Variants in CNGA1 observed in about 807,000 individuals in gnomAD.
CNGA1 encodes cyclic nucleotide-gated channel alpha-1.
CNGA1 carries 53 observed loss-of-function variants against 69.7 expected under a neutral mutation model. The ratio of observed to expected loss-of-function variants is 0.76; its 90% confidence interval spans 0.61 to 0.96. The LOEUF (loss-of-function observed/expected upper bound fraction) is 0.96, where lower values mean the gene tolerates loss of function less well. Ranked by LOEUF, CNGA1 falls within the 40% of genes least tolerant of loss-of-function variation. The pLI is 0.00. For synonymous variants in CNGA1, 249 were observed against 283.5 expected (o/e 0.88, Z 1.22); for missense variants, 739 against 811.2 (o/e 0.91, Z 1.08).
intron 2 of CNGA1, among the ~76,000 whole-genome samples, chr4:48,004,929 G>A (rs1714847414): frequency 6.6e-6 from 1 of 152,096 alleles, no homozygotes; most frequent in Non-Finnish European, 1.5e-5. Context: ...TTGAAGGCTT[G>A]TAGCCAAGAA....
chr4:47,994,844 T>C (rs544337217), intron 2 of CNGA1, among the ~76,000 whole-genome samples: 1 of 152,312 alleles, frequency 6.6e-6, no homozygotes, highest in South Asian at 2.1e-4. Context: ...TTTAGAGCTC[T>C]TTTTAGCAGT....
At chr4:47,988,261 C>T (rs996093808) in intron 2 of CNGA1, among the ~76,000 whole-genome samples, 3 of 151,916 alleles carry the variant, frequency 2.0e-5, no homozygotes, top group Non-Finnish European at 4.4e-5. Context: ...GAAAAGCAAG[C>T]TTGGGGTAGA....
chr4:47,970,796 T>G (rs776796961), intron 3 of CNGA1: 1 of 450,776 alleles, frequency 2.2e-6, no homozygotes, highest in Non-Finnish European at 4.4e-6. Context: ...TTTTATATAC[T>G]ATATAGTATT....
In CNGA1 at chr4:48,010,748, G is replaced by C. The variant is rs539949750; in HGVS notation, c.-123+46C>G. 291 of 153,572 alleles carry C rather than the reference G, an allele frequency of 1.9e-3. 1 individual carries two copies. The highest frequency in any genetic ancestry group is 0.014 in the Middle Eastern group (4 of 296). 9.5% of individuals were successfully genotyped at this position (153,572 alleles called of 1,614,324 possible). ...ACAATGGCAAGCCTTTAGCCCAATC[G>C]GGACTGGCAATGGGCACCTTGCTGG... On this transcript the variant is annotated intron_variant, in intron 2 of 10. Coordinates refer to ENST00000514170, the MANE Select transcript of CNGA1 (RefSeq NM_001379270.1).
chr4:47,980,651 T>G (rs1001144313), intron 3 of CNGA1, among the ~76,000 whole-genome samples: 1 of 151,814 alleles, frequency 6.6e-6, no homozygotes, highest in Non-Finnish European at 1.5e-5. Flanking sequence ...AATTTTTGCA[T>G]TTTTTTAGAG....
At chr4:47,951,831 C>T (rs1739760168) in intron 4 of CNGA1, among the ~76,000 whole-genome samples, 1 of 152,164 alleles carries the variant, frequency 6.6e-6, no homozygotes. Context: ...TTTCGTCCCA[C>T]TAAAAGTAAA....
chr4:48,009,937 T>G (rs1319198589), intron 2 of CNGA1, among the ~76,000 whole-genome samples: 1 of 152,232 alleles, frequency 6.6e-6, no homozygotes, highest in African/African-American at 2.4e-5. Flanking sequence ...TGAAACATTA[T>G]GTACTCAACA....
intron 1 of CNGA1, among the ~76,000 whole-genome samples, chr4:48,014,176 T>A (rs912016821): frequency 1.3e-5 from 2 of 152,218 alleles, no homozygotes; most frequent in African/African-American, 4.8e-5. Flanking sequence ...GAGATTTTTT[T>A]AATGCTCTTC....
intron 3 of CNGA1, among the ~76,000 whole-genome samples, chr4:47,958,176 C>T (rs560620923): frequency 1.3e-5 from 2 of 152,140 alleles, no homozygotes; most frequent in East Asian, 1.9e-4. Flanking sequence ...TGTGAGCCAC[C>T]GTGCCTGGCC....
intron 1 of CNGA1, among the ~76,000 whole-genome samples, chr4:48,012,265 G>A (rs1287099118): frequency 2.0e-5 from 3 of 152,110 alleles, no homozygotes; most frequent in Admixed American, 6.5e-5. Flanking sequence ...AATCAGTTTA[G>A]TCCTTACTAT....
In CNGA1 at chr4:48,016,528, G is replaced by A. The variant is rs1177882419; in HGVS notation, c.-268C>T. 5 of 440,826 alleles carry A rather than the reference G, an allele frequency of 1.1e-5. No individual in the cohort carries two copies. Among genetic ancestry groups the A allele is most frequent in the African/African-American group, 6.3e-5 (3 of 47,472 alleles). 27.3% of individuals were successfully genotyped at this position (440,826 alleles called of 1,614,324 possible). A position where few individuals can be genotyped will look rare whatever the true frequency, so the allele number is the denominator to read the frequency against. On this transcript the variant is annotated 5_prime_UTR_variant, in exon 1 of 11. The change creates a new upstream start codon in the 5' untranslated region. Coordinates refer to ENST00000514170, the MANE Select transcript of CNGA1 (RefSeq NM_001379270.1). ...GAGAGACGCTGTTGCTCTATGAGGC[G>A]TGTCTGTGTTTCTCTAGTTCGCGGC...
intron 3 of CNGA1, among the ~76,000 whole-genome samples, chr4:47,965,155 G>A (rs565937806): frequency 2.0e-5 from 3 of 152,104 alleles, no homozygotes; most frequent in African/African-American, 7.2e-5. Context: ...CGGATATCCA[G>A]TATGGTCCTT....
chr4:48,014,425 A>G (rs1192747896), intron 1 of CNGA1, among the ~76,000 whole-genome samples: 2 of 150,954 alleles, frequency 1.3e-5, no homozygotes, highest in Non-Finnish European at 3.0e-5. Flanking sequence ...AGAATTGAAA[A>G]GCAAGAACTA....
intron 2 of CNGA1, among the ~76,000 whole-genome samples, chr4:47,988,528 AAATAAT>A (rs936845339): frequency 1.3e-5 from 2 of 152,104 alleles, no homozygotes; most frequent in African/African-American, 4.8e-5. Context: ...GTTGAGGAAA[AAATAAT>A]AATAATGAAA....
chr4:48,005,592 T>A (rs549299211), intron 2 of CNGA1, among the ~76,000 whole-genome samples: 1 of 152,240 alleles, frequency 6.6e-6, no homozygotes, highest in East Asian at 1.9e-4. Context: ...TACCTATGAG[T>A]TGGGTAAATT....
Position 47,936,521 on chromosome 4 carries a change from C to G in CNGA1, c.1961G>C (p.Arg654Thr), listed in dbSNP as rs746908022. The G allele has an allele frequency of 3.7e-6, 6 of 1,614,030 alleles. No homozygotes were observed. The highest frequency in any genetic ancestry group is 5.1e-6 in the Non-Finnish European group (6 of 1,180,018). ...YESMQQKLKQ[R>T]LTKVEKFLKP... ...CAGAAATTTCTCAACCTTGGTTAAT[C>G]TTTGTTTCAGTTTCTGCTGCATGGA... Residue 654 changes from arginine to threonine, a missense_variant, in exon 11 of 11, where the codon AGA becomes ACA. Coordinates refer to ENST00000514170, the MANE Select transcript of CNGA1 (RefSeq NM_001379270.1).
At position 47,952,921 on chromosome 4, in the gene CNGA1, A is replaced by G. The variant is rs1972884; in HGVS notation, c.-14-218T>C. 0.84 allele frequency: 238,330 copies of G among 283,982 alleles called. 100,597 individuals carry two copies. Among genetic ancestry groups the G allele is most frequent in the East Asian group, 0.97 (16,569 of 17,014 alleles). The allele number at this position is 283,982 out of a possible 1,614,324, so 17.6% of individuals were successfully genotyped here. Reference sequence around the variant, plus strand: ...GGCAGAAAGCAAAGGAGAAGCAAAGACACATCTTACATGGCAGCAGGCAAG... The same window carrying G: ...GGCAGAAAGCAAAGGAGAAGCAAAGGCACATCTTACATGGCAGCAGGCAAG... On this transcript the variant is annotated intron_variant, in intron 3 of 10. Transcript: ENST00000514170.
chr4:47,973,537 A>T (rs1741161487), intron 3 of CNGA1, among the ~76,000 whole-genome samples: 1 of 152,154 alleles, frequency 6.6e-6, no homozygotes, highest in Non-Finnish European at 1.5e-5. Context: ...AATGCCCCTA[A>T]AGATTATTAC....
intron 2 of CNGA1, among the ~76,000 whole-genome samples, chr4:47,989,678 G>A (rs1383711841): frequency 4.7e-5 from 7 of 149,412 alleles, no homozygotes; most frequent in African/African-American, 1.8e-4. Flanking sequence ...TATTGGGGAA[G>A]CTGGTGGTGT....
Sources: gnomAD v4.1 joint callset for allele counts (sites outside exome capture counted in the v4.1 genomes callset) on GRCh38, gnomAD v4.1.1 for gene constraint, MANE v1.5 for transcripts, NCBI Gene and HGNC (gene_info 2026-07-23, HGNC 2026-07-21) for gene names.